The following KCNK1 variants were observed in gnomAD, a reference collection of about 807,000 sequenced individuals.
The protein encoded by KCNK1 is potassium channel subfamily K member 1.
KCNK1 carries 10 observed loss-of-function variants against 22.2 expected under a neutral mutation model. The ratio of observed to expected loss-of-function variants is 0.45; its 90% CI spans 0.28 to 0.76. The LOEUF is 0.76. Ranked by LOEUF, KCNK1 falls within the 30% of genes least tolerant of loss-of-function variation. The pLI, the probability that KCNK1 is intolerant of heterozygous loss-of-function variation, is 0.14. For missense variants in KCNK1, 378 were observed against 421.0 expected (o/e 0.90, Z 0.89); for synonymous variants, 200 against 186.4 (o/e 1.07, Z -0.60).
At position 233,666,833 on chromosome 1, in the gene KCNK1, C is replaced by G. The variant is rs765805803; in HGVS notation, c.594C>G (p.Ile198Met). Residue 198 changes from isoleucine to methionine, a missense_variant, in exon 2 of 3, where the codon ATC becomes ATG. By Grantham distance (10) the Ile-to-Met change is conservative (BLOSUM62 1). Transcript: ENST00000366621. ...GFVTVSCFFF[I>M]PAAVFSVLED... Reference sequence around the variant, plus strand: ...TCACTGTGTCCTGCTTCTTCTTCATCCCGGCCGCTGTCTTCTCAGTCCTGG... The same window carrying G: ...TCACTGTGTCCTGCTTCTTCTTCATGCCGGCCGCTGTCTTCTCAGTCCTGG... The G allele has an allele frequency of 8.7e-5, 141 of 1,614,224 alleles. 1 individual carries two copies. Among genetic ancestry groups the G allele is most frequent in the South Asian group, 3.2e-4 (29 of 91,084 alleles).
chr1:233,635,602 T>G (rs1657883843), intron 1 of KCNK1, among the ~76,000 whole-genome samples: 1 of 152,166 alleles, frequency 6.6e-6, no homozygotes, highest in Non-Finnish European at 1.5e-5. Flanking sequence ...AATTTTTTTT[T>G]GTTAAAAACT....
chr1:233,666,522 C>A, intron 1 of KCNK1, 73 bp from the exon 2 acceptor site: 1 of 1,407,840 alleles, frequency 7.1e-7, no homozygotes, highest in Non-Finnish European at 9.7e-7. Context: ...AGATGATAGG[C>A]ATATATTGTT....
At chr1:233,623,490 C>T (rs1657627615) in intron 1 of KCNK1, among the ~76,000 whole-genome samples, 1 of 152,218 alleles carries the variant, frequency 6.6e-6, no homozygotes. Context: ...GGTAATTACC[C>T]TGATGTGATC....
At chr1:233,625,232 C>T (rs768808141) in intron 1 of KCNK1, among the ~76,000 whole-genome samples, 30 of 152,156 alleles carry the variant, frequency 2.0e-4, no homozygotes, top group Non-Finnish European at 1.0e-4. Flanking sequence ...CCCAGCAAGG[C>T]CTGTCTGGAA....
intron 1 of KCNK1, among the ~76,000 whole-genome samples, chr1:233,633,333 A>G (rs1407159670): frequency 1.3e-5 from 2 of 152,032 alleles, no homozygotes; most frequent in East Asian, 3.8e-4. Flanking sequence ...AGTATGTATT[A>G]TAGGATTCTT....
At chr1:233,640,514 C>T (rs953970971) in intron 1 of KCNK1, among the ~76,000 whole-genome samples, 1 of 152,304 alleles carries the variant, frequency 6.6e-6, no homozygotes, top group African/African-American at 2.4e-5. Context: ...TATTAATGAT[C>T]AAGTGAATTG....
At chr1:233,617,105 T>C (rs1411296087) in intron 1 of KCNK1, among the ~76,000 whole-genome samples, 2 of 152,122 alleles carry the variant, frequency 1.3e-5, no homozygotes, top group Non-Finnish European at 2.9e-5. Context: ...ACTGAGATAA[T>C]TGTTACCTAA....
At chr1:233,653,727 G>A (rs952252194) in intron 1 of KCNK1, among the ~76,000 whole-genome samples, 2 of 152,044 alleles carry the variant, frequency 1.3e-5, no homozygotes, top group Admixed American at 6.5e-5. Flanking sequence ...TGGTACCACC[G>A]GCTTTCCTGG....
chr1:233,633,285 A>G (rs570267279), intron 1 of KCNK1, among the ~76,000 whole-genome samples: 5 of 151,646 alleles, frequency 3.3e-5, no homozygotes, highest in African/African-American at 9.7e-5. Context: ...AACAAACAAA[A>G]AAAACCACAC....
intron 2 of KCNK1, among the ~76,000 whole-genome samples, chr1:233,669,803 A>C (rs1201699900): frequency 6.6e-6 from 1 of 152,236 alleles, no homozygotes; most frequent in Non-Finnish European, 1.5e-5. Flanking sequence ...CTCAAAAAAT[A>C]GTAATAAGAA....
intron 1 of KCNK1, among the ~76,000 whole-genome samples, chr1:233,635,029 C>A (rs1259732956): frequency 2.0e-5 from 3 of 152,200 alleles, no homozygotes; most frequent in African/African-American, 7.2e-5. Context: ...ATAAATAATT[C>A]TCTAGTCCAA....
chr1:233,614,591 C>G, intron 1 of KCNK1, 65 bp downstream of exon 1: 1 of 1,317,426 alleles, frequency 7.6e-7, no homozygotes, highest in Non-Finnish European at 1.0e-6. Flanking sequence ...ACACCCCGGC[C>G]CCGGCGCCCC....
Position 233,666,824 on chromosome 1 carries a change from C to A in KCNK1, c.585C>A (p.Phe195Leu). ...VLLGFVTVSC[F>L]FFIPAAVFSV... ...TTGGGTTTGTCACTGTGTCCTGCTTCTTCTTCATCCCGGCCGCTGTCTTCT... is the reference window on the plus strand; with the variant it reads ...TTGGGTTTGTCACTGTGTCCTGCTTATTCTTCATCCCGGCCGCTGTCTTCT... The change falls in exon 2 of 3, where the codon TTC becomes TTA. Residue 195 changes from phenylalanine to leucine, a missense_variant. Transcript: ENST00000366621. 1.2e-6 allele frequency: 2 copies of A among 1,614,238 alleles called. No individual in the cohort carries two copies. The highest frequency in any genetic ancestry group is 3.3e-4 in the Middle Eastern group (2 of 6,062).
intron 1 of KCNK1, among the ~76,000 whole-genome samples, chr1:233,655,235 T>G (rs553213610): frequency 1.1e-4 from 16 of 152,326 alleles, no homozygotes. Context: ...TTCTTTCTTT[T>G]GAAATGGAAA....
intron 1 of KCNK1, among the ~76,000 whole-genome samples, chr1:233,655,153 G>T (rs1057423999): frequency 3.9e-5 from 6 of 152,210 alleles, no homozygotes; most frequent in African/African-American, 9.7e-5. Flanking sequence ...AGCCAAAGAA[G>T]ATTATTCTCC....
At chr1:233,616,658 A>G (rs1362873895) in intron 1 of KCNK1, among the ~76,000 whole-genome samples, 2 of 152,240 alleles carry the variant, frequency 1.3e-5, no homozygotes, top group African/African-American at 2.4e-5. Flanking sequence ...TATGAATACA[A>G]CTATTCTAAA....
At chr1:233,628,590 ATC>A (rs1056396985) in intron 1 of KCNK1, among the ~76,000 whole-genome samples, 4 of 152,014 alleles carry the variant, frequency 2.6e-5, no homozygotes, top group African/African-American at 7.3e-5. Flanking sequence ...TGAAACCCTC[ATC>A]TCTACTAAAA....
chr1:233,655,205 T>TTTTC (rs1341183317), intron 1 of KCNK1, among the ~76,000 whole-genome samples: 1 of 152,226 alleles, frequency 6.6e-6, no homozygotes, highest in African/African-American at 2.4e-5. Flanking sequence ...TCCTTTCTTC[T>TTTTC]TTTCTTTCTT....
At chr1:233,642,872 G>A (rs535033265) in intron 1 of KCNK1, among the ~76,000 whole-genome samples, 2 of 151,714 alleles carry the variant, frequency 1.3e-5, no homozygotes, top group Admixed American at 6.6e-5. Context: ...GGGCTTGAAC[G>A]ATTCTTCTGC....
Sources: allele counts gnomAD v4.1 joint callset (sites outside exome capture counted in the v4.1 genomes callset), GRCh38; gene constraint gnomAD v4.1.1; transcripts MANE v1.5; gene names NCBI Gene and HGNC (gene_info 2026-07-23, HGNC 2026-07-21).